The following TENM4 variants were observed in gnomAD, a reference collection of about 807,000 sequenced individuals.
TENM4 encodes teneurin transmembrane protein 4.
In TENM4, 82 loss-of-function variants were observed where a neutral mutation model predicts 243.3. That is an observed-to-expected ratio of 0.34 (90% CI 0.28 to 0.40). The LOEUF is 0.40. Ranked by LOEUF, TENM4 falls within the 10% of genes least tolerant of loss-of-function variation. The probability of loss-of-function intolerance (pLI) is 1.00; values close to 1 mark genes in which losing one functional copy is unlikely to be tolerated. For synonymous variants in TENM4, 1,412 were observed against 1,456.3 expected, an observed-to-expected ratio of 0.97 and a Z score of 0.69; for missense variants, 3,138 against 3,673.3, an observed-to-expected ratio of 0.85 and a Z score of 3.77.
rs1491166656 is a variant in TENM4, at chr11:78,785,053, TTG to T, written c.2365+1843_2365+1844del. Among the ~76,000 whole-genome samples, 488 of 59,980 alleles carry T rather than the reference TTG, an allele frequency of 8.1e-3. 5 individuals carry two copies. The highest frequency in any genetic ancestry group is 0.031 in the South Asian group (105 of 3,352). The allele number at this position is 59,980 out of a possible 152,430, so 39.3% of individuals were successfully genotyped here. ...GGCTCTGGTTTTTTTGTTTCTGTTT[TTG>T]TTTTTTTTTTTTGTTTTTGTTTTTT... On this transcript the variant is annotated intron_variant, in intron 16 of 33. Transcript: ENST00000278550.
At chr11:79,074,459 C>T (rs979591150) in intron 4 of TENM4, among the ~76,000 whole-genome samples, 11 of 152,160 alleles carry the variant, frequency 7.2e-5, no homozygotes, top group Admixed American at 3.9e-4. Flanking sequence ...TAAACGTGTT[C>T]GCTCCCTCCT....
chr11:78,677,131 C>T (rs540037646), intron 29 of TENM4, among the ~76,000 whole-genome samples: 1 of 152,104 alleles, frequency 6.6e-6, no homozygotes, highest in South Asian at 2.1e-4. Flanking sequence ...AAATCTTATG[C>T]TATGTGAATT....
At chr11:79,369,524 C>T (rs74445816) in intron 1 of TENM4, among the ~76,000 whole-genome samples, 1 of 152,148 alleles carries the variant, frequency 6.6e-6, no homozygotes, top group Non-Finnish European at 1.5e-5. Flanking sequence ...AAGTGAAACA[C>T]TCAAACAATT....
intron 4 of TENM4, chr11:79,098,141 T>G (rs1861129240): frequency 6.6e-6 from 1 of 152,246 alleles, no homozygotes; most frequent in African/African-American, 2.4e-5. Flanking sequence ...CAGGATTGTC[T>G]GCGATCCTGG....
At chr11:79,389,427 G>A (rs1176890331) in intron 1 of TENM4, among the ~76,000 whole-genome samples, 1 of 152,238 alleles carries the variant, frequency 6.6e-6, no homozygotes, top group Non-Finnish European at 1.5e-5. Context: ...AAAATGCTGG[G>A]ATTACAGGTG....
At chr11:78,677,359 A>G (rs1031580120) in intron 29 of TENM4, among the ~76,000 whole-genome samples, 1 of 151,780 alleles carries the variant, frequency 6.6e-6, no homozygotes, top group Non-Finnish European at 1.5e-5. Context: ...GGCCCAAGCA[A>G]TCCTCCAACC....
intron 14 of TENM4, among the ~76,000 whole-genome samples, chr11:78,810,667 G>A (rs1194777759): frequency 6.6e-6 from 1 of 152,160 alleles, no homozygotes. Flanking sequence ...CCACGCTTGG[G>A]GTTTATATAC....
intron 2 of TENM4, among the ~76,000 whole-genome samples, chr11:79,230,920 C>G (rs1269714305): frequency 6.6e-6 from 1 of 152,150 alleles, no homozygotes; most frequent in Non-Finnish European, 1.5e-5. Flanking sequence ...CTAACAAGAG[C>G]CCTTAGGCTG....
chr11:79,108,077 T>C (rs1861416229), intron 4 of TENM4, among the ~76,000 whole-genome samples: 1 of 152,164 alleles, frequency 6.6e-6, no homozygotes, highest in Admixed American at 6.5e-5. Flanking sequence ...CCTCCAAAAT[T>C]CGTATTACAA....
intron 6 of TENM4, among the ~76,000 whole-genome samples, chr11:78,931,322 A>G (rs1410350041): frequency 1.3e-5 from 2 of 152,320 alleles, no homozygotes; most frequent in African/African-American, 2.4e-5. Context: ...CATATTAAAA[A>G]GAAAGGATAT....
chr11:78,833,970 G>A (rs1156537115), intron 12 of TENM4, among the ~76,000 whole-genome samples: 1 of 152,202 alleles, frequency 6.6e-6, no homozygotes, highest in Non-Finnish European at 1.5e-5. Flanking sequence ...AGGAAGATGA[G>A]TGACTTTGAA....
intron 2 of TENM4, among the ~76,000 whole-genome samples, chr11:79,235,181 T>C (rs1864441750): frequency 1.3e-5 from 2 of 151,862 alleles, no homozygotes; most frequent in Admixed American, 6.6e-5. Flanking sequence ...GGCGTGGTGG[T>C]GTGTGCCTGT....
chr11:79,391,670 A>C (rs1858235919), intron 1 of TENM4, among the ~76,000 whole-genome samples: 3 of 152,166 alleles, frequency 2.0e-5, no homozygotes, highest in Non-Finnish European at 4.4e-5. Context: ...TATCTTTCCT[A>C]CTTAGTGTGT....
intron 4 of TENM4, among the ~76,000 whole-genome samples, chr11:79,110,511 G>T (rs1370526791): frequency 6.6e-6 from 1 of 152,204 alleles, no homozygotes; most frequent in African/African-American, 2.4e-5. Context: ...GGAAAGATGG[G>T]TCATGAGGAT....
intron 25 of TENM4, among the ~76,000 whole-genome samples, chr11:78,718,127 T>C (rs1190752922): frequency 6.6e-6 from 1 of 152,144 alleles, no homozygotes; most frequent in Non-Finnish European, 1.5e-5. Context: ...GATACAACTC[T>C]ATAATTTTTA....
intron 4 of TENM4, chr11:79,093,436 C>A (rs544893829): frequency 1.3e-5 from 2 of 152,386 alleles, no homozygotes; most frequent in South Asian, 2.1e-4. Context: ...AGTAGAGCAA[C>A]TTTCCCTTTC....
At chr11:78,728,510 CCCTTCCCTCTTCCCGCCT>C (rs1428661280) in intron 22 of TENM4, among the ~76,000 whole-genome samples, 1 of 151,010 alleles carries the variant, frequency 6.6e-6, no homozygotes, top group Non-Finnish European at 1.5e-5. Flanking sequence ...CTCCCTCCCT[CCCTTCCCTCTTCCCGCCT>C]CCTTCCCTCC....
chr11:79,087,970 C>A (rs574282527), intron 4 of TENM4, among the ~76,000 whole-genome samples: 1 of 152,238 alleles, frequency 6.6e-6, no homozygotes, highest in Non-Finnish European at 1.5e-5. Flanking sequence ...CTGTTCTTTC[C>A]GTGGGGAAGC....
chr11:79,284,421 A>G (rs763168946), intron 2 of TENM4, among the ~76,000 whole-genome samples: 2 of 152,198 alleles, frequency 1.3e-5, no homozygotes, highest in Non-Finnish European at 2.9e-5. Flanking sequence ...TAGTCATTTG[A>G]TTTTTGACAA....
Sources: allele counts gnomAD v4.1 joint callset (sites outside exome capture counted in the v4.1 genomes callset), GRCh38; gene constraint gnomAD v4.1.1; transcripts MANE v1.5; gene names NCBI Gene and HGNC (gene_info 2026-07-23, HGNC 2026-07-21).